FRMD4A: variants seen among roughly 807,000 people sequenced by gnomAD.
The protein encoded by FRMD4A is FERM domain-containing protein 4A.
In FRMD4A, 29 loss-of-function variants were observed where a neutral mutation model predicts 129.1. The ratio of observed to expected loss-of-function variants is 0.22; its 90% CI spans 0.17 to 0.31. The LOEUF is 0.31. FRMD4A is among the 10% of genes least tolerant of loss of function. The pLI is 1.00. For missense variants in FRMD4A, 1,272 were observed against 1,375.8 expected, an observed-to-expected ratio of 0.92 and a Z score of 1.19; for synonymous variants, 634 against 571.6, an observed-to-expected ratio of 1.11 and a Z score of -1.56.
intron 2 of FRMD4A, among the ~76,000 whole-genome samples, chr10:14,126,912 C>T (rs1490299277): frequency 6.6e-6 from 1 of 152,152 alleles, no homozygotes; most frequent in Non-Finnish European, 1.5e-5. Context: ...GCTCGGGTTC[C>T]TTGGCCCTGC....
rs142515039 is a variant in FRMD4A, at chr10:13,768,876, T to C, written c.385-6196A>G. Among the ~76,000 whole-genome samples, 3 of 152,272 alleles carry C rather than the reference T, an allele frequency of 2.0e-5. No homozygotes were observed. The East Asian group carries it at 5.8e-4, about 29-fold the overall frequency. On this transcript the variant is annotated intron_variant, in intron 6 of 24. Transcript: ENST00000357447. Reference sequence around the variant, plus strand: ...GAAATATAAAACACACTACAAGTATTAGATCTATATTATTTATTTCTGCTG... The same window carrying C: ...GAAATATAAAACACACTACAAGTATCAGATCTATATTATTTATTTCTGCTG...
intron 2 of FRMD4A, among the ~76,000 whole-genome samples, chr10:13,898,803 G>A (rs144427494): frequency 2.5e-3 from 375 of 152,290 alleles, no homozygotes; most frequent in Admixed American, 6.0e-3. Context: ...TCCTGTCCTT[G>A]GAGCTAATAC....
intron 2 of FRMD4A, among the ~76,000 whole-genome samples, chr10:14,211,530 GCTAT>G (rs1294605606): frequency 7.9e-5 from 12 of 152,188 alleles, no homozygotes; most frequent in Admixed American, 3.3e-4. Context: ...TATCATGCGT[GCTAT>G]CTGTCAAGAG....
intron 2 of FRMD4A, among the ~76,000 whole-genome samples, chr10:14,310,262 G>T (rs978148407): frequency 6.6e-6 from 1 of 152,080 alleles, no homozygotes; most frequent in Admixed American, 6.6e-5. Flanking sequence ...CAACTTGCCC[G>T]CATCCTAACT....
intron 4 of FRMD4A, among the ~76,000 whole-genome samples, chr10:13,798,491 C>T (rs1452060142): frequency 6.6e-6 from 1 of 152,148 alleles, no homozygotes; most frequent in Non-Finnish European, 1.5e-5. Flanking sequence ...CCAAGGCAGA[C>T]AGATCACGAG....
At chr10:14,171,325 C>A (rs769714896) in intron 2 of FRMD4A, among the ~76,000 whole-genome samples, 1 of 152,130 alleles carries the variant, frequency 6.6e-6, no homozygotes, top group Admixed American at 6.5e-5. Flanking sequence ...GAAATATATC[C>A]ATCAGCCTAG....
chr10:13,704,229 G>C (rs1405915796), intron 13 of FRMD4A, among the ~76,000 whole-genome samples: 14 of 152,222 alleles, frequency 9.2e-5, no homozygotes, highest in African/African-American at 3.4e-4. Context: ...GCTCTGCCAT[G>C]CTAAATAACT....
intron 13 of FRMD4A, among the ~76,000 whole-genome samples, chr10:13,702,115 A>G (rs552905770): frequency 3.0e-4 from 45 of 152,276 alleles, no homozygotes; most frequent in Admixed American, 2.1e-3. Context: ...CCTGTCACCC[A>G]GGCTGGAGCG....
At chr10:14,219,988 G>A (rs1193522091) in intron 2 of FRMD4A, among the ~76,000 whole-genome samples, 2 of 152,144 alleles carry the variant, frequency 1.3e-5, no homozygotes, top group East Asian at 1.9e-4. Context: ...TATCTATTGC[G>A]AATGGTGTCT....
intron 2 of FRMD4A, among the ~76,000 whole-genome samples, chr10:14,026,039 T>A (rs1832971742): frequency 6.6e-6 from 1 of 152,206 alleles, no homozygotes; most frequent in East Asian, 1.9e-4. Flanking sequence ...CCCAGTTCTG[T>A]CCTCTTAGTT....
intron 2 of FRMD4A, among the ~76,000 whole-genome samples, chr10:14,062,802 G>A (rs878889434): frequency 8.5e-5 from 13 of 152,186 alleles, no homozygotes; most frequent in African/African-American, 2.2e-4. Flanking sequence ...AGTGGCTCAC[G>A]TGTGTAATTC....
chr10:14,231,227 T>C (rs1239157034), intron 2 of FRMD4A, among the ~76,000 whole-genome samples: 1 of 152,252 alleles, frequency 6.6e-6, no homozygotes, highest in Admixed American at 6.5e-5. Flanking sequence ...TGAACTAATT[T>C]ACATTCCCAC....
At chr10:13,655,987 C>T (rs930629958) in intron 22 of FRMD4A, 2 of 151,966 alleles carry the variant, frequency 1.3e-5, no homozygotes, top group African/African-American at 4.8e-5. Context: ...GCCCAATGCT[C>T]TTGAGTATGA....
chr10:13,875,601 T>C (rs1036502464), intron 2 of FRMD4A, among the ~76,000 whole-genome samples: 1 of 152,210 alleles, frequency 6.6e-6, no homozygotes, highest in African/African-American at 2.4e-5. Flanking sequence ...TCTACTGTGG[T>C]TAAACTGCTT....
intron 2 of FRMD4A, among the ~76,000 whole-genome samples, chr10:14,038,304 CA>C (rs1833603117): frequency 6.6e-6 from 1 of 151,984 alleles, no homozygotes; most frequent in African/African-American, 2.4e-5. Flanking sequence ...GCCTGGGCGA[CA>C]AAGCGAGACT....
Position 14,063,009 on chromosome 10 carries a change from G to A in FRMD4A, c.46-204097C>T, listed in dbSNP as rs118027594. Among the ~76,000 whole-genome samples, 1,042 of 152,206 alleles carry A rather than the reference G, an allele frequency of 6.8e-3. 7 individuals are homozygous for A. Among genetic ancestry groups the A allele is most frequent in the Middle Eastern group, 0.014 (4 of 294 alleles). On this transcript the variant is annotated intron_variant, in intron 2 of 24. Transcript: ENST00000357447. Reference sequence around the variant, plus strand: ...TGTGCTGATCCTATCGACGTTGAATGTTTCCTGTTTCATTGACAGTGCTTC... The same window carrying A: ...TGTGCTGATCCTATCGACGTTGAATATTTCCTGTTTCATTGACAGTGCTTC...
intron 2 of FRMD4A, chr10:13,972,252 TC>T: frequency 2.0e-6 from 2 of 992,424 alleles, no homozygotes; most frequent in Middle Eastern, 5.2e-4. Flanking sequence ...GCTGCAGCCT[TC>T]CCTGCAACAT....
chr10:14,060,540 G>A (rs1431405169), intron 2 of FRMD4A, among the ~76,000 whole-genome samples: 4 of 152,150 alleles, frequency 2.6e-5, no homozygotes, highest in African/African-American at 9.7e-5. Flanking sequence ...TTCAGTAGAA[G>A]GCATTTTCAT....
chr10:13,868,038 G>C (rs1479866244), intron 2 of FRMD4A, among the ~76,000 whole-genome samples: 1 of 149,482 alleles, frequency 6.7e-6, no homozygotes, highest in Admixed American at 6.8e-5. Flanking sequence ...AGGATTGCTT[G>C]AGCCCAGGAG....
Sources: allele counts gnomAD v4.1 joint callset (sites outside exome capture counted in the v4.1 genomes callset), GRCh38; gene constraint gnomAD v4.1.1; transcripts MANE v1.5; gene names NCBI Gene and HGNC (gene_info 2026-07-23, HGNC 2026-07-21).